The following PHACTR3 variants were observed in gnomAD, a reference collection of about 807,000 sequenced individuals.
The protein encoded by PHACTR3 is phosphatase and actin regulator 3.
In PHACTR3, 16 loss-of-function variants were observed where a neutral mutation model predicts 66.8. The ratio of observed to expected loss-of-function variants is 0.24; its 90% CI spans 0.16 to 0.36. The LOEUF is 0.36. Ranked by LOEUF, PHACTR3 falls within the 10% of genes least tolerant of loss-of-function variation. The probability of loss-of-function intolerance (pLI) is 1.00; values close to 1 mark genes in which losing one functional copy is unlikely to be tolerated. For synonymous variants in PHACTR3, 323 were observed against 292.1 expected (o/e 1.11, Z -1.08); for missense variants, 647 against 719.9 (o/e 0.90, Z 1.16).
At chr20:59,753,264 C>T (rs1363348079) in intron 3 of PHACTR3, among the ~76,000 whole-genome samples, 3 of 152,210 alleles carry the variant, frequency 2.0e-5, no homozygotes, top group Non-Finnish European at 2.9e-5. Context: ...TCGCCTGGAC[C>T]TCTGGGCAAC....
chr20:59,705,501 G>C (rs2146626018), intron 1 of PHACTR3, among the ~76,000 whole-genome samples: 1 of 152,190 alleles, frequency 6.6e-6, no homozygotes, highest in South Asian at 2.1e-4. Context: ...TACTCTCTTA[G>C]TATTTATCTT....
Position 59,737,092 on chromosome 20 carries a change from G to A in PHACTR3, c.119-6015G>A, listed in dbSNP as rs142299747. Among the ~76,000 whole-genome samples the A allele has an allele frequency of 9.1e-4, 138 of 152,218 alleles. No homozygotes were observed. The East Asian group carries it at 0.02, about 22-fold the overall frequency. On this transcript the variant is annotated intron_variant, in intron 1 of 12. Coordinates refer to ENST00000371015, the MANE Select transcript of PHACTR3 (RefSeq NM_080672.5). ...GAATCAGGTTCAAGTCCCTGACTACGACCCTGCCTGCCTCCCCAGCACATC... is the reference window on the plus strand; with the variant it reads ...GAATCAGGTTCAAGTCCCTGACTACAACCCTGCCTGCCTCCCCAGCACATC...
chr20:59,795,368 C>T (rs1435382503), intron 7 of PHACTR3, among the ~76,000 whole-genome samples: 1 of 148,300 alleles, frequency 6.7e-6, no homozygotes, highest in African/African-American at 2.5e-5. Flanking sequence ...TGATTTTTAT[C>T]TTCTTAAATT....
In PHACTR3 at chr20:59,829,264, C is replaced by A. The variant is rs2042278359; in HGVS notation, c.1329-7241C>A. 6.6e-6 allele frequency among the ~76,000 whole-genome samples: 1 copy of A among 152,186 alleles called. No homozygotes were observed. Among genetic ancestry groups the A allele is most frequent in the Admixed American group, 6.5e-5 (1 of 15,284 alleles). On this transcript the variant is annotated intron_variant, in intron 8 of 12. Transcript: ENST00000371015. The surrounding 1 kb of genome is among the most constrained non-coding windows in gnomAD (Gnocchi z 4.2). ...ATGTGGACCAGCAGCCAGCACCTCT[C>A]AGCTGAGCCCTCAGTCGGCAGAACA...
At chr20:59,681,512 A>G (rs2036647631) in intron 1 of PHACTR3, among the ~76,000 whole-genome samples, 1 of 152,232 alleles carries the variant, frequency 6.6e-6, no homozygotes, top group Non-Finnish European at 1.5e-5. Flanking sequence ...CCCACTTGGC[A>G]GGTTAATCAA....
intron 8 of PHACTR3, among the ~76,000 whole-genome samples, chr20:59,822,693 A>C (rs2042085349): frequency 6.6e-6 from 1 of 151,948 alleles, no homozygotes; most frequent in Non-Finnish European, 1.5e-5. Context: ...TTTCTCTCTG[A>C]CTCGGCTCGT....
At chr20:59,763,118 A>AGG (rs200680641) in intron 4 of PHACTR3, among the ~76,000 whole-genome samples, 2 of 152,164 alleles carry the variant, frequency 1.3e-5, no homozygotes, top group African/African-American at 4.8e-5. Flanking sequence ...ATTGAATCAC[A>AGG]GGGGGGCAGT....
At chr20:59,660,411 G>A (rs1384787546) in intron 1 of PHACTR3, among the ~76,000 whole-genome samples, 2 of 152,216 alleles carry the variant, frequency 1.3e-5, no homozygotes, top group African/African-American at 2.4e-5. Flanking sequence ...GGAGAATGGC[G>A]TGAATCCGGG....
intron 4 of PHACTR3, among the ~76,000 whole-genome samples, chr20:59,764,635 C>T (rs904375165): frequency 5.9e-5 from 9 of 152,168 alleles, no homozygotes; most frequent in East Asian, 3.9e-4. Context: ...TAATTGAGGC[C>T]GGGTGAGCCA....
At chr20:59,751,055 C>T (rs1327590208) in intron 3 of PHACTR3, among the ~76,000 whole-genome samples, 6 of 152,338 alleles carry the variant, frequency 3.9e-5, no homozygotes, top group African/African-American at 1.4e-4. Flanking sequence ...TGGCTGTGCA[C>T]CTGCCCTCTC....
chr20:59,717,036 A>G (rs1184802968), intron 1 of PHACTR3, among the ~76,000 whole-genome samples: 1 of 152,234 alleles, frequency 6.6e-6, no homozygotes, highest in Non-Finnish European at 1.5e-5. Flanking sequence ...ATGAAGTGCA[A>G]TTGAAATTTA....
At position 59,806,025 on chromosome 20, in the gene PHACTR3, T is replaced by C. The variant is rs748410333; in HGVS notation, c.1175-16T>C. On this transcript the variant is annotated splice_polypyrimidine_tract_variant and intron_variant, in intron 7 of 12. Coordinates refer to ENST00000371015, the MANE Select transcript of PHACTR3 (RefSeq NM_080672.5). The stretch of plus-strand genomic sequence containing the variant: ...TTTGTTCCCTTCTCTCCTCTTGCCC[T>C]GGATGGGGCTTTTAGGAACACTGCC... 12 of 1,610,736 alleles carry C rather than the reference T, an allele frequency of 7.5e-6. No individual in the cohort carries two copies. The highest frequency in any genetic ancestry group is 1.0e-5 in the Non-Finnish European group (12 of 1,178,526).
At chr20:59,669,884 G>A (rs374757816) in intron 1 of PHACTR3, among the ~76,000 whole-genome samples, 2 of 152,196 alleles carry the variant, frequency 1.3e-5, no homozygotes, top group Non-Finnish European at 2.9e-5. Context: ...ATTGAGGGAC[G>A]TTTGTGTTGT....
At position 59,660,387 on chromosome 20, in the gene PHACTR3, T is replaced by G. The variant is rs183461250; in HGVS notation, c.118+55255T>G. On this transcript the variant is annotated intron_variant, in intron 1 of 12. Transcript: ENST00000371015. Reference sequence around the variant, plus strand: ...CGGATGCCTGTAGTCCCAGCTACTCTGGAGGCTGAGGCAGGAGAATGGCGT... The same window carrying G: ...CGGATGCCTGTAGTCCCAGCTACTCGGGAGGCTGAGGCAGGAGAATGGCGT... Among the ~76,000 whole-genome samples, 1,363 of 152,278 alleles carry G rather than the reference T, an allele frequency of 9.0e-3. 27 individuals are homozygous for G. Among genetic ancestry groups the G allele is most frequent in the African/African-American group, 0.031 (1,284 of 41,548 alleles).
chr20:59,779,576 C>G (rs1252064099), intron 7 of PHACTR3, among the ~76,000 whole-genome samples: 1 of 152,230 alleles, frequency 6.6e-6, no homozygotes, highest in Non-Finnish European at 1.5e-5. Flanking sequence ...ATCGCAACAA[C>G]TACTATTTTA....
At chr20:59,697,522 G>T (rs1214463579) in intron 1 of PHACTR3, among the ~76,000 whole-genome samples, 1 of 152,038 alleles carries the variant, frequency 6.6e-6, no homozygotes, top group Non-Finnish European at 1.5e-5. Flanking sequence ...CCACTTCTTA[G>T]CCATGAGACC....
chr20:59,655,374 C>G (rs2035583959), intron 1 of PHACTR3, among the ~76,000 whole-genome samples: 1 of 152,020 alleles, frequency 6.6e-6, no homozygotes. Context: ...GTGCAACTAT[C>G]ATCACAATTG....
intron 1 of PHACTR3, among the ~76,000 whole-genome samples, chr20:59,612,860 T>C (rs949743558): frequency 1.3e-5 from 2 of 152,196 alleles, no homozygotes; most frequent in African/African-American, 4.8e-5. Context: ...CATCTGCTCC[T>C]GGTCAGGCCT....
Position 59,690,503 on chromosome 20 carries a change from T to C in PHACTR3, c.119-52604T>C, listed in dbSNP as rs551621598. Among the ~76,000 whole-genome samples the C allele has an allele frequency of 4.6e-5, 7 of 152,366 alleles. No homozygotes were observed. The South Asian group carries it at 1.2e-3, about 27-fold the overall frequency. Reference sequence around the variant, plus strand: ...CAAGGTCACATATAGCTTTAGCCTGTGTCCCAGGCCTTCAGCATGGTGCTT... The same window carrying C: ...CAAGGTCACATATAGCTTTAGCCTGCGTCCCAGGCCTTCAGCATGGTGCTT... On this transcript the variant is annotated intron_variant, in intron 1 of 12. Transcript: ENST00000371015.
Sources: gnomAD v4.1 joint callset for allele counts (sites outside exome capture counted in the v4.1 genomes callset) on GRCh38, gnomAD v4.1.1 for gene constraint, Gnocchi (gnomAD v3.1) non-coding constraint, MANE v1.5 for transcripts, NCBI Gene and HGNC (gene_info 2026-07-23, HGNC 2026-07-21) for gene names.